Variants in GPR143 observed in about 807,000 individuals in gnomAD.
GPR143 encodes G protein-coupled receptor 143.
A neutral mutation model predicts 27.6 loss-of-function variants in GPR143; 8 were observed. The ratio of observed to expected loss-of-function variants is 0.29; its 90% CI spans 0.17 to 0.52. The LOEUF (loss-of-function observed/expected upper bound fraction) is 0.52, where lower values mean the gene tolerates loss of function less well. Ranked by LOEUF, GPR143 falls within the 20% of genes least tolerant of loss-of-function variation. The probability of loss-of-function intolerance (pLI) is 0.96; values close to 1 mark genes in which losing one functional copy is unlikely to be tolerated. For missense variants in GPR143, 303 were observed against 343.1 expected, an observed-to-expected ratio of 0.88 and a Z score of 0.92; for synonymous variants, 156 against 153.2, an observed-to-expected ratio of 1.02 and a Z score of -0.13.
intron 8 of GPR143, among the ~76,000 whole-genome samples, chrX:9,729,944 T>C (rs2083345701): frequency 8.9e-6 from 1 of 112,473 alleles, no homozygotes; most frequent in Non-Finnish European, 1.9e-5. Flanking sequence ...CATAAGATTA[T>C]AATACTGCAT....
chrX:9,760,299 C>G (rs1483702072), intron 2 of GPR143, among the ~76,000 whole-genome samples: 1 of 111,616 alleles, frequency 9.0e-6, no homozygotes, highest in African/African-American at 3.3e-5. Context: ...ACCCTGTTGA[C>G]CAGGGTGGTC....
rs57462205 is a variant in GPR143 at position 9,728,639 on chromosome X, T to TAAAAAAAAAAAAAAA, written c.1121-2814_1121-2800dup. Among the ~76,000 whole-genome samples the TAAAAAAAAAAAAAAA allele has an allele frequency of 1.6e-4, 3 of 19,205 alleles. 1 individual carries two copies. Among genetic ancestry groups the TAAAAAAAAAAAAAAA allele is most frequent in the African/African-American group, 5.5e-4 (3 of 5,452 alleles). The allele number at this position is 19,205 out of a possible 115,157, so 16.7% of individuals were successfully genotyped here. On this transcript the variant is annotated intron_variant, in intron 8 of 8. Transcript: ENST00000467482. ...CCTGGGCAACATAGACCCTATCTCT[T>TAAAAAAAAAAAAAAA]AAAAAAAAAAAAAAAAAAAAAAAAA...
In GPR143 at chrX:9,725,598, G is replaced by A. The variant is rs917994050; in HGVS notation, c.*148C>T. ...CTTTCTCCTATCCTAAAGGCCCTTC[G>A]GGAAGAAGCTCTAGCTGGTGATGAG... On this transcript the variant is annotated 3_prime_UTR_variant, in exon 9 of 9. Coordinates refer to ENST00000467482, the MANE Select transcript of GPR143 (RefSeq NM_000273.3). 2.9e-5 allele frequency: 14 copies of A among 480,001 alleles called. No individual in the cohort carries two copies. The East Asian group carries it at 3.0e-4, about 10-fold the overall frequency. 39.6% of individuals were successfully genotyped at this position (480,001 alleles called of 1,213,427 possible).
intron 1 of GPR143, among the ~76,000 whole-genome samples, chrX:9,774,263 CTG>C (rs755665824): frequency 1.8e-5 from 2 of 112,962 alleles, no homozygotes; most frequent in East Asian, 5.5e-4. Flanking sequence ...ATGCCAGCTT[CTG>C]TGTTTCCTGG....
At chrX:9,763,983 A>T (rs2083514902) in intron 1 of GPR143, among the ~76,000 whole-genome samples, 1 of 112,736 alleles carries the variant, frequency 8.9e-6, no homozygotes, top group Non-Finnish European at 1.9e-5. Context: ...ACATGCCAGG[A>T]AATATTTTTT....
chrX:9,774,860 TTTTG>T (rs1333612673), intron 1 of GPR143, among the ~76,000 whole-genome samples: 2 of 111,269 alleles, frequency 1.8e-5, no homozygotes, highest in Admixed American at 9.6e-5. Flanking sequence ...TTAATTGTTT[TTTTG>T]TTTGTTTGGT....
chrX:9,755,780 C>A (rs1053421413), intron 3 of GPR143, among the ~76,000 whole-genome samples: 6 of 112,070 alleles, frequency 5.4e-5, no homozygotes, highest in African/African-American at 1.3e-4. Flanking sequence ...GGATTGCCTA[C>A]CTCTGGACAT....
intron 6 of GPR143, among the ~76,000 whole-genome samples, chrX:9,742,391 C>T (rs142817685): frequency 0.012 from 1,392 of 111,413 alleles, 9 homozygotes; most frequent in Non-Finnish European, 0.019. Flanking sequence ...GCCTCAGCCT[C>T]CCGAGTAGCT....
Position 9,760,781 on chromosome X carries a change from A to G in GPR143, c.296T>C (p.Val99Ala), listed in dbSNP as rs2083494715. ...STVWLGFPNF[V>A]DSVSDMNHTE... ...GTGGTTCATATCCGAGACGCTGTCA[A>G]CAAAATTTGGGAATCCTAACCACAC... The change falls in exon 2 of 9, where the codon GTT becomes GCT. Residue 99 changes from valine to alanine, a missense_variant. By Grantham distance (64) the Val-to-Ala change is moderately conservative. Transcript: ENST00000467482. 8.4e-7 allele frequency: 1 copy of G among 1,195,981 alleles called. No individual in the cohort carries two copies. Among genetic ancestry groups the G allele is most frequent in the East Asian group, 3.0e-5 (1 of 33,719 alleles).
intron 4 of GPR143, 21 bp downstream of exon 4, chrX:9,748,553 G>A (rs1335059160): frequency 4.7e-6 from 5 of 1,056,001 alleles, no homozygotes; most frequent in Middle Eastern, 2.5e-4. Flanking sequence ...GGCTGCCTGG[G>A]GCGCTGGAGT....
chrX:9,748,701 T>TG (rs2083439110), intron 3 of GPR143, 35 bp from the exon 4 acceptor site: 1 of 1,003,646 alleles, frequency 1.0e-6, no homozygotes, highest in Admixed American at 2.2e-5. Flanking sequence ...CACAGCTCAG[T>TG]GGGGCACAGA....
chrX:9,770,542 G>T (rs1038149741), upstream of GPR143, among the ~76,000 whole-genome samples: 2 of 109,932 alleles, frequency 1.8e-5, no homozygotes, highest in African/African-American at 3.3e-5. Context: ...ACACTTAGTG[G>T]GGCAGACAAA....
chrX:9,757,503 C>T (rs772538724), intron 3 of GPR143, among the ~76,000 whole-genome samples: 1 of 111,871 alleles, frequency 8.9e-6, no homozygotes, highest in Admixed American at 9.5e-5. Context: ...CGAAAGGTCA[C>T]GTACTGTATG....
At position 9,741,419 on chromosome X, in the gene GPR143, G is replaced by A. The variant is rs1469844661; in HGVS notation, c.804C>T (p.Phe268=). Residue 268 remains phenylalanine, a synonymous_variant, in exon 7 of 9, where the codon TTC becomes TTT. Transcript: ENST00000467482. ...TGATATCTGTTTGCATCTCAAGATA[G>A]AATAAAAGGCTTTCATTGATGATAT... ...LSNIINESLL[F]YLEMQTDING... is the part of the protein sequence containing the mutation. 7.0e-6 allele frequency: 8 copies of A among 1,149,086 alleles called. No homozygotes were observed. Among genetic ancestry groups the A allele is most frequent in the Non-Finnish European group, 9.5e-6 (8 of 839,847 alleles). 94.7% of individuals were successfully genotyped at this position (1,149,086 alleles called of 1,213,427 possible).
intron 4 of GPR143, among the ~76,000 whole-genome samples, chrX:9,747,396 A>G (rs1266971709): frequency 9.0e-6 from 1 of 111,444 alleles, no homozygotes; most frequent in Non-Finnish European, 1.9e-5. Context: ...CCCTGCAGCA[A>G]TGGCACCCTA....
chrX:9,727,971 A>C (rs1186585019), intron 8 of GPR143, among the ~76,000 whole-genome samples: 2 of 112,492 alleles, frequency 1.8e-5, no homozygotes, highest in Non-Finnish European at 3.8e-5. Context: ...TGGCTCCTAC[A>C]GTTCATTAAG....
At chrX:9,743,776 G>A (rs967009461) in intron 5 of GPR143, 103 bp from the exon 6 acceptor site, 125 of 561,934 alleles carry the variant, frequency 2.2e-4, no homozygotes, top group Non-Finnish European at 3.6e-4. Context: ...CAAGGCCAGA[G>A]GGGCAGGAAG....
At chrX:9,752,913 C>T (rs1447585221) in intron 3 of GPR143, among the ~76,000 whole-genome samples, 1 of 110,587 alleles carries the variant, frequency 9.0e-6, no homozygotes, top group Admixed American at 9.7e-5. Context: ...CTGGGCGTGG[C>T]TGGAGTGGGG....
intron 5 of GPR143, among the ~76,000 whole-genome samples, chrX:9,745,599 A>G (rs755431011): frequency 8.9e-6 from 1 of 111,802 alleles, no homozygotes; most frequent in African/African-American, 3.3e-5. Context: ...ACCTTGACTC[A>G]TTTCCTGTGC....
Sources: gnomAD v4.1 joint callset for allele counts (sites outside exome capture counted in the v4.1 genomes callset) on GRCh38, gnomAD v4.1.1 for gene constraint, MANE v1.5 for transcripts, NCBI Gene and HGNC (gene_info 2026-07-23, HGNC 2026-07-21) for gene names.